Variants in NKAIN2 observed in about 807,000 individuals in gnomAD.
The protein encoded by NKAIN2 is sodium/potassium-transporting ATPase subunit beta-1-interacting protein 2.
A neutral mutation model predicts 32.6 loss-of-function variants in NKAIN2; 14 were observed. The ratio of observed to expected loss-of-function variants is 0.43; its 90% confidence interval spans 0.28 to 0.67. NKAIN2 has a LOEUF of 0.67. Among genes scored for constraint, NKAIN2 ranks in the 30% least tolerant of loss-of-function variants. The pLI, the probability that NKAIN2 is intolerant of heterozygous loss-of-function variation, is 0.17. For missense variants in NKAIN2, 198 were observed against 258.3 expected, an observed-to-expected ratio of 0.77 and a Z score of 1.60; for synonymous variants, 80 against 87.2, an observed-to-expected ratio of 0.92 and a Z score of 0.46.
intron 3 of NKAIN2, among the ~76,000 whole-genome samples, chr6:124,400,109 A>G (rs1014436695): frequency 3.3e-5 from 5 of 152,168 alleles, no homozygotes; most frequent in Non-Finnish European, 4.4e-5. Flanking sequence ...TTAATTATGC[A>G]TACTTCTGAG....
At chr6:124,723,100 G>A (rs1776102590) in intron 4 of NKAIN2, among the ~76,000 whole-genome samples, 2 of 152,130 alleles carry the variant, frequency 1.3e-5, no homozygotes, top group Non-Finnish European at 2.9e-5. Flanking sequence ...TGATGTGAAA[G>A]TACCTCAAGA....
chr6:124,269,881 G>A (rs146492556), intron 1 of NKAIN2, among the ~76,000 whole-genome samples: 337 of 152,222 alleles, frequency 2.2e-3, no homozygotes, highest in African/African-American at 7.7e-3. Flanking sequence ...AGCAGTCAGA[G>A]TAAGTGAGGC....
intron 1 of NKAIN2, among the ~76,000 whole-genome samples, chr6:124,166,580 G>C (rs1402129451): frequency 6.6e-6 from 1 of 151,458 alleles, no homozygotes; most frequent in Non-Finnish European, 1.5e-5. Context: ...TTTTAGACAT[G>C]AAGTCCTTGC....
intron 3 of NKAIN2, among the ~76,000 whole-genome samples, chr6:124,637,466 A>T (rs1783817114): frequency 6.6e-6 from 1 of 152,030 alleles, no homozygotes; most frequent in Admixed American, 6.6e-5. Flanking sequence ...TGCAAATAAC[A>T]TTTTTGTGTT....
At chr6:123,913,280 T>A (rs1228657433) in intron 1 of NKAIN2, among the ~76,000 whole-genome samples, 1 of 152,126 alleles carries the variant, frequency 6.6e-6, no homozygotes, top group Non-Finnish European at 1.5e-5. Flanking sequence ...GGGCCTAAAA[T>A]CAGCTAATTA....
intron 3 of NKAIN2, among the ~76,000 whole-genome samples, chr6:124,473,693 A>G (rs752278801): frequency 4.6e-5 from 7 of 152,152 alleles, no homozygotes; most frequent in Non-Finnish European, 1.0e-4. Flanking sequence ...AAGGAATTAG[A>G]TGGCTCTTCA....
intron 1 of NKAIN2, among the ~76,000 whole-genome samples, chr6:124,089,487 C>T (rs921298585): frequency 3.3e-5 from 5 of 151,862 alleles, no homozygotes; most frequent in African/African-American, 1.2e-4. Context: ...CTATGATCTG[C>T]CATATTGAAA....
intron 3 of NKAIN2, among the ~76,000 whole-genome samples, chr6:124,570,623 C>T (rs540977194): frequency 6.6e-5 from 10 of 152,294 alleles, no homozygotes; most frequent in South Asian, 2.1e-4. Context: ...AATTGAGGTT[C>T]GAGAACCTTC....
chr6:124,771,621 A>G (rs942037313), intron 4 of NKAIN2, among the ~76,000 whole-genome samples: 3 of 152,216 alleles, frequency 2.0e-5, no homozygotes, highest in Non-Finnish European at 4.4e-5. Flanking sequence ...GTGTTTTTAT[A>G]TGTAGATTAT....
intron 3 of NKAIN2, among the ~76,000 whole-genome samples, chr6:124,485,149 A>T (rs1777604132): frequency 6.6e-6 from 1 of 152,150 alleles, no homozygotes. Flanking sequence ...TACATCGGTA[A>T]TCCTCAAAGG....
intron 1 of NKAIN2, among the ~76,000 whole-genome samples, chr6:123,877,671 T>C (rs1773230173): frequency 6.6e-6 from 1 of 152,198 alleles, no homozygotes; most frequent in Non-Finnish European, 1.5e-5. Flanking sequence ...CCTCCTCCTG[T>C]TCCTGCCCCT....
At chr6:124,439,161 G>A (rs184395637) in intron 3 of NKAIN2, among the ~76,000 whole-genome samples, 2 of 152,032 alleles carry the variant, frequency 1.3e-5, no homozygotes, top group African/African-American at 2.4e-5. Context: ...CCCGATTTTC[G>A]CATTACGCTT....
At chr6:124,345,704 G>A (rs7755946) in intron 2 of NKAIN2, among the ~76,000 whole-genome samples, 113,461 of 147,924 alleles carry the variant, frequency 0.77, 43,378 homozygotes, top group Admixed American at 0.83. Flanking sequence ...TTTTTATTGC[G>A]TCTATTTGAT....
At chr6:124,661,038 A>G (rs567260366) in intron 4 of NKAIN2, among the ~76,000 whole-genome samples, 1 of 152,280 alleles carries the variant, frequency 6.6e-6, no homozygotes, top group South Asian at 2.1e-4. Context: ...AGTCTAGTGG[A>G]AAATTCCTCA....
intron 1 of NKAIN2, among the ~76,000 whole-genome samples, chr6:124,273,710 A>G (rs1794906657): frequency 1.3e-5 from 2 of 152,200 alleles, no homozygotes; most frequent in Admixed American, 1.3e-4. Flanking sequence ...TGTGTGATTT[A>G]AAAGCCCATG....
chr6:124,328,369 A>G (rs1377928967), intron 2 of NKAIN2, among the ~76,000 whole-genome samples: 2 of 152,084 alleles, frequency 1.3e-5, no homozygotes, highest in African/African-American at 4.8e-5. Context: ...GTTCTTGCTT[A>G]TTTCTTATTC....
chr6:124,395,493 T>C (rs1234780851), intron 3 of NKAIN2, among the ~76,000 whole-genome samples: 1 of 152,174 alleles, frequency 6.6e-6, no homozygotes, highest in Non-Finnish European at 1.5e-5. Flanking sequence ...CACATAATGT[T>C]GCATTCTAGT....
chr6:124,802,090 A>G (rs1011276228), intron 5 of NKAIN2, among the ~76,000 whole-genome samples: 1 of 152,116 alleles, frequency 6.6e-6, no homozygotes, highest in East Asian at 1.9e-4. Flanking sequence ...GAGTTTTGTG[A>G]TTTTCATTTC....
intron 1 of NKAIN2, among the ~76,000 whole-genome samples, chr6:124,143,671 T>A (rs1562382817): frequency 6.6e-6 from 1 of 152,192 alleles, no homozygotes; most frequent in Non-Finnish European, 1.5e-5. Flanking sequence ...CATGAATTTT[T>A]GCAAATTCTG....
Sources: gnomAD v4.1 joint callset for allele counts (sites outside exome capture counted in the v4.1 genomes callset) on GRCh38, gnomAD v4.1.1 for gene constraint, MANE v1.5 for transcripts, NCBI Gene and HGNC (gene_info 2026-07-23, HGNC 2026-07-21) for gene names.